The following CTNNA2 variants were observed in gnomAD, a reference collection of about 807,000 sequenced individuals.
CTNNA2 encodes the protein catenin alpha 2, also known as catenin alpha-2.
A neutral mutation model predicts 101.0 loss-of-function variants in CTNNA2; 42 were observed. The observed-to-expected ratio is 0.42, with a 90% CI of 0.32 to 0.54. The LOEUF (loss-of-function observed/expected upper bound fraction) is 0.54. CTNNA2 is among the 20% of genes least tolerant of loss of function. The pLI is 0.14. For missense variants in CTNNA2, 871 were observed against 1,223.1 expected, an observed-to-expected ratio of 0.71 and a Z score of 4.29; for synonymous variants, 450 against 456.4, an observed-to-expected ratio of 0.99 and a Z score of 0.18.
intron 7 of CTNNA2, among the ~76,000 whole-genome samples, chr2:79,999,043 A>T: frequency 6.6e-6 from 1 of 152,080 alleles, no homozygotes; most frequent in East Asian, 1.9e-4. Flanking sequence ...TTTCAGCTCT[A>T]AAAAGCCAAA....
intron 4 of CTNNA2, 52 bp downstream of exon 4, chr2:79,858,231 C>A: frequency 1.4e-6 from 2 of 1,431,680 alleles, no homozygotes; most frequent in South Asian, 1.2e-5. Flanking sequence ...GCAATCTTGA[C>A]CGTGTGTATT....
chr2:79,291,450 G>A (rs951470779), intron 2 of CTNNA2, among the ~76,000 whole-genome samples: 6 of 152,130 alleles, frequency 3.9e-5, no homozygotes, highest in Admixed American at 3.9e-4. Context: ...ATCCTGCTGA[G>A]GTATAACAGA....
chr2:79,658,646 T>C (rs1681791223), intron 2 of CTNNA2, among the ~76,000 whole-genome samples: 1 of 151,220 alleles, frequency 6.6e-6, no homozygotes, highest in African/African-American at 2.4e-5. Context: ...TCAAAATGAG[T>C]TGGCCATCAG....
intron 1 of CTNNA2, among the ~76,000 whole-genome samples, chr2:79,565,218 G>A (rs1485100563): frequency 2.0e-5 from 3 of 149,100 alleles, no homozygotes; most frequent in East Asian, 4.0e-4. Flanking sequence ...CCCTTTGAAG[G>A]GTGAGAAAAA....
Position 79,982,238 on chromosome 2 carries a change from ATATG to A in CTNNA2, c.1056+72449_1056+72452del, listed in dbSNP as rs1302937746. On this transcript the variant is annotated intron_variant, in intron 7 of 18. Coordinates refer to ENST00000402739, the MANE Select transcript of CTNNA2 (RefSeq NM_001282597.3). Reference sequence around the variant, plus strand: ...TATATATATATATATATATATATATATATGTATGTATATGTACACACACACATAA... The same window carrying A: ...TATATATATATATATATATATATATATATGTATATGTACACACACACATAA... 1.5e-3 allele frequency among the ~76,000 whole-genome samples: 137 copies of A among 89,616 alleles called. 10 individuals carry two copies. The highest frequency in any genetic ancestry group is 8.6e-3 in the East Asian group (21 of 2,442). 58.8% of individuals were successfully genotyped at this position (89,616 alleles called of 152,430 possible).
chr2:79,795,186 A>G (rs898443099), intron 3 of CTNNA2, among the ~76,000 whole-genome samples: 2 of 152,246 alleles, frequency 1.3e-5, no homozygotes, highest in Non-Finnish European at 2.9e-5. Context: ...GATGGGATGC[A>G]TAAGAAATAA....
chr2:80,111,095 C>A (rs997661140), intron 7 of CTNNA2, among the ~76,000 whole-genome samples: 2 of 151,966 alleles, frequency 1.3e-5, no homozygotes, highest in African/African-American at 2.4e-5. Context: ...AGAACTCACT[C>A]ATTATCACAA....
In CTNNA2 at chr2:80,109,820, C is replaced by T. The variant is rs35481147; in HGVS notation, c.1056+200023C>T. 3.4e-3 allele frequency among the ~76,000 whole-genome samples: 523 copies of T among 152,270 alleles called. 4 individuals are homozygous for T. The highest frequency in any genetic ancestry group is 0.01 in the Middle Eastern group (3 of 294). ...CAGGGCTCTCCTGGCTCCCCACCCA[C>T]GGTGCTCACTAAATGCTTTTTTTAC... On this transcript the variant is annotated intron_variant, in intron 7 of 18. Transcript: ENST00000402739.
At chr2:79,454,005 C>A (rs917957278) in intron 4 of CTNNA2, among the ~76,000 whole-genome samples, 5 of 152,062 alleles carry the variant, frequency 3.3e-5, no homozygotes, top group African/African-American at 1.2e-4. Flanking sequence ...ATAGATAAAG[C>A]CCCTCAGTTC....
chr2:79,939,922 G>C (rs1010137893), intron 7 of CTNNA2, among the ~76,000 whole-genome samples: 11 of 152,182 alleles, frequency 7.2e-5, no homozygotes, highest in Middle Eastern at 3.4e-3. Flanking sequence ...GAGAAATCCC[G>C]TCTCTACTAA....
chr2:80,290,484 A>T (rs936381087), intron 7 of CTNNA2, among the ~76,000 whole-genome samples: 2 of 151,988 alleles, frequency 1.3e-5, no homozygotes, highest in Non-Finnish European at 2.9e-5. Context: ...GGCTCCCGTG[A>T]TGCTTTTACT....
intron 7 of CTNNA2, among the ~76,000 whole-genome samples, chr2:80,183,629 T>C (rs548430339): frequency 6.6e-6 from 1 of 152,322 alleles, no homozygotes; most frequent in East Asian, 1.9e-4. Context: ...CATTCTTCCA[T>C]TGCTCACTGC....
chr2:79,647,154 G>T (rs951024778), intron 1 of CTNNA2, among the ~76,000 whole-genome samples: 2 of 152,118 alleles, frequency 1.3e-5, no homozygotes, highest in Non-Finnish European at 1.5e-5. Flanking sequence ...AAGATGAAGG[G>T]CTCGTGAGAC....
intron 2 of CTNNA2, among the ~76,000 whole-genome samples, chr2:79,699,602 A>T (rs1177435144): frequency 6.6e-6 from 1 of 151,764 alleles, no homozygotes; most frequent in East Asian, 1.9e-4. Context: ...TCTTTTTTTT[A>T]ATCAAAATAT....
intron 1 of CTNNA2, among the ~76,000 whole-genome samples, chr2:79,525,048 TTATC>T (rs1302518379): frequency 7.9e-5 from 12 of 151,992 alleles, no homozygotes; most frequent in African/African-American, 2.9e-4. Context: ...CTTTTTTTAT[TTATC>T]CAAGTGACTT....
At chr2:80,557,061 C>T (rs1693106476) in intron 12 of CTNNA2, among the ~76,000 whole-genome samples, 1 of 152,138 alleles carries the variant, frequency 6.6e-6, no homozygotes, top group African/African-American at 2.4e-5. Context: ...AAGTAAAACA[C>T]AATACATAAA....
chr2:79,740,907 G>A (rs890510323), intron 2 of CTNNA2, among the ~76,000 whole-genome samples: 3 of 152,016 alleles, frequency 2.0e-5, no homozygotes, highest in Non-Finnish European at 2.9e-5. Flanking sequence ...AACTGAAGTA[G>A]ATGAATATGA....
intron 1 of CTNNA2, among the ~76,000 whole-genome samples, chr2:79,584,353 A>G (rs1025012106): frequency 6.6e-6 from 1 of 152,038 alleles, no homozygotes; most frequent in African/African-American, 2.4e-5. Context: ...ATTAATGGGT[A>G]GTTGTGGTGA....
At chr2:80,582,685 A>G (rs1226105361) in intron 14 of CTNNA2, among the ~76,000 whole-genome samples, 2 of 152,166 alleles carry the variant, frequency 1.3e-5, no homozygotes, top group African/African-American at 4.8e-5. Context: ...AAGAGTAAAA[A>G]CAATCAGATT....
Sources: gnomAD v4.1 joint callset for allele counts (sites outside exome capture counted in the v4.1 genomes callset) on GRCh38, gnomAD v4.1.1 for gene constraint, MANE v1.5 for transcripts, NCBI Gene and HGNC (gene_info 2026-07-23, HGNC 2026-07-21) for gene names.